The following LONRF1 variants were observed in gnomAD, a reference collection of about 807,000 sequenced individuals.
The protein encoded by LONRF1 is LON peptidase N-terminal domain and RING finger protein 1.
LONRF1 carries 37 observed loss-of-function variants against 85.8 expected under a neutral mutation model. The observed-to-expected ratio is 0.43, with a 90% confidence interval of 0.33 to 0.57. The LOEUF is 0.57. Among genes scored for constraint, LONRF1 ranks in the 20% least tolerant of loss-of-function variants. The probability of loss-of-function intolerance (pLI) is 0.04; values close to 1 mark genes in which losing one functional copy is unlikely to be tolerated. For synonymous variants in LONRF1, 517 were observed against 390.1 expected, an observed-to-expected ratio of 1.33 and a Z score of -3.83; for missense variants, 1,036 against 978.0, an observed-to-expected ratio of 1.06 and a Z score of -0.79.
Position 12,754,871 on chromosome 8 carries a change from C to A in LONRF1, c.550G>T (p.Ala184Ser). The change falls in exon 1 of 12, where the codon GCC (alanine) becomes TCC (serine). Residue 184 changes from alanine (A) to serine (S), a missense_variant. Coordinates refer to ENST00000398246, the MANE Select transcript of LONRF1 (RefSeq NM_152271.5). The stretch of plus-strand genomic sequence containing the variant: ...CTGAAGTCTGAAGCGGCGATGGCGG[C>A]GGCCAGAGGCGGCGGCCGCGGGGCG... Reference protein sequence around the residue: ...GTAPRPPPLAAAIAASDFRTS... With the variant: ...GTAPRPPPLASAIAASDFRTS... The A allele has an allele frequency of 6.7e-7, 1 of 1,492,588 alleles. No individual in the cohort carries two copies. The highest frequency in any genetic ancestry group is 8.9e-7 in the Non-Finnish European group (1 of 1,126,148). The allele number at this position is 1,492,588 out of a possible 1,614,324, so 92.5% of individuals were successfully genotyped here. A position where few individuals can be genotyped will look rare whatever the true frequency, so the allele number is the denominator to read the frequency against.
At position 12,754,915 on chromosome 8, in the gene LONRF1, G is replaced by A; in HGVS notation, c.506C>T (p.Ala169Val). ...RDRLPPATAS[A>V]TDAEGTAPRP... ...CGGGGCGGTCCCTTCAGCATCAGTG[G>A]CACTGGCGGTGGCGGGCGGCAGCCG... The change falls in exon 1 of 12, where the codon GCC becomes GTC. Residue 169 changes from alanine (A) to valine (V), a missense_variant. Coordinates refer to ENST00000398246, the MANE Select transcript of LONRF1 (RefSeq NM_152271.5). 6.7e-7 allele frequency: 1 copy of A among 1,492,504 alleles called. No homozygotes were observed. The highest frequency in any genetic ancestry group is 8.9e-7 in the Non-Finnish European group (1 of 1,125,182). The allele number at this position is 1,492,504 out of a possible 1,614,324, so 92.5% of individuals were successfully genotyped here.
At chr8:12,744,946 C>G (rs1799086906) in intron 1 of LONRF1, among the ~76,000 whole-genome samples, 2 of 152,062 alleles carry the variant, frequency 1.3e-5, no homozygotes, top group African/African-American at 2.4e-5. Flanking sequence ...CATGCACGTT[C>G]AGAACTGCTG....
intron 7 of LONRF1, among the ~76,000 whole-genome samples, chr8:12,734,598 C>A (rs2117263689): frequency 6.6e-6 from 1 of 152,260 alleles, no homozygotes; most frequent in South Asian, 2.1e-4. Flanking sequence ...TGAGATCTAG[C>A]TACTTTCCTA....
At chr8:12,744,402 T>TA (rs745413247) in intron 1 of LONRF1, among the ~76,000 whole-genome samples, 2 of 152,176 alleles carry the variant, frequency 1.3e-5, no homozygotes, top group East Asian at 1.9e-4. Context: ...TTTTACTTGT[T>TA]AAAAAAAGAC....
chr8:12,723,318 C>T (rs1238893994), intron 11 of LONRF1, 64 bp from the exon 12 acceptor site: 1 of 1,480,332 alleles, frequency 6.8e-7, no homozygotes. Context: ...CAGTAGCAAA[C>T]CACCAAAAAA....
chr8:12,723,155 C>G lies in LONRF1; in HGVS notation c.2263G>C (p.Glu755Gln). ...ATATGCTGTATCTTGGTCAACCGTTCTTTCAAAGACTTCATTGACAAAACC... is the reference window on the plus strand; with the variant it reads ...ATATGCTGTATCTTGGTCAACCGTTGTTTCAAAGACTTCATTGACAAAACC... ...LSVLSMKSLK[E>Q]RLTKIQHILT... The change falls in exon 12 of 12, where the codon GAA (glutamate) becomes CAA (glutamine). Residue 755 changes from glutamate (E) to glutamine (Q), a missense_variant. Glu to Gln is a conservative substitution (Grantham distance 29). Transcript: ENST00000398246. 1 of 1,614,108 alleles carries G rather than the reference C, an allele frequency of 6.2e-7. No individual in the cohort carries two copies. Among genetic ancestry groups the G allele is most frequent in the Non-Finnish European group, 8.5e-7 (1 of 1,179,994 alleles).
At chr8:12,754,653 C>G in intron 1 of LONRF1, 47 bp downstream of exon 1, 1 of 1,293,816 alleles carries the variant, frequency 7.7e-7, no homozygotes, top group Non-Finnish European at 9.7e-7. Flanking sequence ...CCCTCGGGGC[C>G]AGGAGGGTGC....
At chr8:12,742,108 C>A (rs1798955764) in intron 2 of LONRF1, among the ~76,000 whole-genome samples, 1 of 152,186 alleles carries the variant, frequency 6.6e-6, no homozygotes, top group Admixed American at 6.5e-5. Flanking sequence ...TGTGGCAAAT[C>A]CAAAAGATTC....
intron 4 of LONRF1, chr8:12,737,376 A>G (rs1563145336): frequency 1.5e-6 from 1 of 670,892 alleles, no homozygotes; most frequent in Admixed American, 2.1e-5. Context: ...GATAGAAAAT[A>G]TTCTAAAAAA....
intron 3 of LONRF1, among the ~76,000 whole-genome samples, chr8:12,739,451 A>G (rs1798846005): frequency 6.6e-6 from 1 of 152,082 alleles, no homozygotes; most frequent in Non-Finnish European, 1.5e-5. Flanking sequence ...CAAAAATCTG[A>G]ACAGTAGTTG....
chr8:12,722,784 G>GCACA lies in LONRF1; in HGVS notation c.*308_*311dup, dbSNP rs3839870. 4.2e-4 allele frequency: 74 copies of GCACA among 174,756 alleles called. No individual in the cohort carries two copies. The highest frequency in any genetic ancestry group is 1.6e-3 in the Admixed American group (27 of 16,510). 10.8% of individuals were successfully genotyped at this position (174,756 alleles called of 1,614,324 possible). A position where few individuals can be genotyped will look rare whatever the true frequency, so the allele number is the denominator to read the frequency against. On this transcript the variant is annotated 3_prime_UTR_variant, in exon 12 of 12. Coordinates refer to ENST00000398246, the MANE Select transcript of LONRF1 (RefSeq NM_152271.5). ...CCAACCCCCACAAGCACACACGCAC[G>GCACA]CACACACACACACACACTCTCTCAC...
chr8:12,751,296 G>GTTTTTTTTTTTTTTTTTTTTTTTT (rs869038024), intron 1 of LONRF1, among the ~76,000 whole-genome samples: 9 of 69,534 alleles, frequency 1.3e-4, no homozygotes, highest in Non-Finnish European at 2.0e-4. Context: ...TTATTTTTAT[G>GTTTTTTTTTTTTTTTTTTTTTTTT]TTTTTTTTTT....
intron 7 of LONRF1, among the ~76,000 whole-genome samples, chr8:12,734,156 A>G (rs138956718): frequency 6.6e-6 from 1 of 152,232 alleles, no homozygotes; most frequent in Non-Finnish European, 1.5e-5. Context: ...TTCATCTAAA[A>G]ACATTGAGCA....
intron 2 of LONRF1, among the ~76,000 whole-genome samples, chr8:12,741,463 C>G (rs1042971548): frequency 6.6e-6 from 1 of 152,130 alleles, no homozygotes; most frequent in Non-Finnish European, 1.5e-5. Context: ...TACCTACACA[C>G]CACCCTGGAG....
chr8:12,725,589 T>A, intron 11 of LONRF1, 138 bp downstream of exon 11: 4 of 743,032 alleles, frequency 5.4e-6, no homozygotes, highest in Non-Finnish European at 4.4e-6. Flanking sequence ...ATTGCAAAGA[T>A]GAGGTGGGGC....
At chr8:12,741,076 T>TC in intron 2 of LONRF1, 80 bp from the exon 3 acceptor site, 1 of 1,535,386 alleles carries the variant, frequency 6.5e-7, no homozygotes, top group Non-Finnish European at 8.9e-7. Flanking sequence ...AGAAAAACAA[T>TC]AGTCTGCTCA....
intron 8 of LONRF1, among the ~76,000 whole-genome samples, chr8:12,731,483 G>T (rs1046677893): frequency 2.0e-5 from 3 of 151,894 alleles, no homozygotes; most frequent in African/African-American, 7.3e-5. Flanking sequence ...CTGCCTGATG[G>T]CACTGTAGGA....
At chr8:12,729,475 C>T (rs1171517461) in intron 8 of LONRF1, 143 bp from the exon 9 acceptor site, 1 of 779,676 alleles carries the variant, frequency 1.3e-6, no homozygotes, top group Non-Finnish European at 2.0e-6. Flanking sequence ...GGTTTTTATT[C>T]TTGGCAAGAA....
intron 1 of LONRF1, among the ~76,000 whole-genome samples, chr8:12,751,785 T>TA (rs1799417888): frequency 1.3e-5 from 2 of 151,546 alleles, no homozygotes; most frequent in Admixed American, 1.3e-4. Context: ...TAAGTCAGTG[T>TA]AAAAAAACAT....
Sources: allele counts gnomAD v4.1 joint callset (sites outside exome capture counted in the v4.1 genomes callset), GRCh38; gene constraint gnomAD v4.1.1; transcripts MANE v1.5; gene names NCBI Gene and HGNC (gene_info 2026-07-23, HGNC 2026-07-21).